Variants in RARS2 observed in about 807,000 individuals in gnomAD.
RARS2 encodes the protein probable arginine--tRNA ligase, mitochondrial.
In RARS2, 67 loss-of-function variants were observed where a neutral mutation model predicts 88.5. The observed-to-expected ratio is 0.76, with a 90% CI of 0.62 to 0.93. The LOEUF (loss-of-function observed/expected upper bound fraction) is 0.93, where lower values mean the gene tolerates loss of function less well. Ranked by LOEUF, RARS2 falls within the 40% of genes least tolerant of loss-of-function variation. RARS2 has a pLI of 0.00. For missense variants in RARS2, 664 were observed against 684.2 expected, an observed-to-expected ratio of 0.97 and a Z score of 0.33; for synonymous variants, 239 against 230.3, an observed-to-expected ratio of 1.04 and a Z score of -0.34.
intron 16 of RARS2, 155 bp downstream of exon 16, chr6:87,518,475 A>T (rs916531939): frequency 3.6e-5 from 39 of 1,079,756 alleles, no homozygotes; most frequent in Non-Finnish European, 4.2e-5. Flanking sequence ...TGCTCAATAA[A>T]TTTTTTTTTT....
intron 1 of RARS2, among the ~76,000 whole-genome samples, chr6:87,573,205 G>A (rs1339207354): frequency 1.3e-5 from 2 of 152,142 alleles, no homozygotes; most frequent in African/African-American, 4.8e-5. Flanking sequence ...GGCAGAAAGC[G>A]AAAGGGAAGC....
intron 4 of RARS2, among the ~76,000 whole-genome samples, chr6:87,555,938 C>T (rs137908762): frequency 4.9e-4 from 75 of 152,318 alleles, no homozygotes; most frequent in East Asian, 3.1e-3. Context: ...TTACTCCTCA[C>T]GACAGCCATA....
At chr6:87,517,017 G>A (rs1771987615) in intron 17 of RARS2, 137 bp from the exon 18 acceptor site, 5 of 1,332,166 alleles carry the variant, frequency 3.8e-6, no homozygotes, top group Admixed American at 2.0e-5. Context: ...AGTGTCTCAC[G>A]TCTGTAATCC....
chr6:87,553,905 A>C (rs1785047292), intron 5 of RARS2, among the ~76,000 whole-genome samples: 1 of 152,224 alleles, frequency 6.6e-6, no homozygotes, highest in South Asian at 2.1e-4. Flanking sequence ...TCCTTATTAC[A>C]AATTCATGAG....
At position 87,569,568 on chromosome 6, in the gene RARS2, G is replaced by A. The variant is rs779443645; in HGVS notation, c.59C>T (p.Pro20Leu). The change falls in exon 2 of 20, where the codon CCA becomes CTA. Residue 20 changes from proline (P) to leucine (L), a missense_variant. Transcript: ENST00000369536. Reference protein sequence around the residue: ...ACQLSRVLNLPPENLITSISA... With the variant: ...ACQLSRVLNLLPENLITSISA... ...TATTGATGTGATCAAGTTTTCTGGTGGAAGATTCAACACTCTGGAAAGCTA... is the reference window on the plus strand; with the variant it reads ...TATTGATGTGATCAAGTTTTCTGGTAGAAGATTCAACACTCTGGAAAGCTA... 10 of 1,607,346 alleles carry A rather than the reference G, an allele frequency of 6.2e-6. No individual in the cohort carries two copies. The highest frequency in any genetic ancestry group is 1.6e-4 in the Middle Eastern group (1 of 6,068).
chr6:87,520,268 A>T lies in RARS2; in HGVS notation c.1036-12T>A, dbSNP rs1230355906. 1 of 1,559,390 alleles carries T rather than the reference A, an allele frequency of 6.4e-7. No individual in the cohort carries two copies. The highest frequency in any genetic ancestry group is 8.8e-7 in the Non-Finnish European group (1 of 1,132,004). On this transcript the variant is annotated splice_polypyrimidine_tract_variant and intron_variant, in intron 12 of 19. Transcript: ENST00000369536. ...TGTCCTTTATCTGTCTTGGGAAGAA[A>T]ATATATATAAAATAAAAGAATACTG...
intron 14 of RARS2, chr6:87,519,293 C>T (rs1426585996): frequency 2.7e-6 from 1 of 372,784 alleles, no homozygotes; most frequent in East Asian, 6.5e-5. Context: ...TGACTTGTAT[C>T]CAAATTATAA....
intron 5 of RARS2, among the ~76,000 whole-genome samples, chr6:87,550,724 A>AG (rs397965857): frequency 2.0e-5 from 3 of 149,860 alleles, no homozygotes; most frequent in African/African-American, 7.4e-5. Context: ...AAAAAAAAAA[A>AG]GAATAGAATA....
At chr6:87,525,176 T>C (rs1263392767) in intron 10 of RARS2, among the ~76,000 whole-genome samples, 2 of 152,192 alleles carry the variant, frequency 1.3e-5, no homozygotes, top group African/African-American at 4.8e-5. Flanking sequence ...CTTACAAATA[T>C]GACAGGAGAA....
At chr6:87,578,771 C>A (rs1329750659) in intron 1 of RARS2, among the ~76,000 whole-genome samples, 1 of 151,966 alleles carries the variant, frequency 6.6e-6, no homozygotes, top group South Asian at 2.1e-4. Flanking sequence ...CCAGCCTGGC[C>A]AACATGGCAA....
chr6:87,555,857 C>T (rs1785704140), intron 4 of RARS2, among the ~76,000 whole-genome samples: 1 of 152,222 alleles, frequency 6.6e-6, no homozygotes, highest in Non-Finnish European at 1.5e-5. Flanking sequence ...ACCAGAAGCA[C>T]CATTTAACAC....
intron 14 of RARS2, chr6:87,519,142 TTA>T (rs398066024): frequency 1.8e-4 from 72 of 392,866 alleles, no homozygotes; most frequent in South Asian, 2.8e-4. Flanking sequence ...ATTTCTGATT[TTA>T]TATATATATA....
chr6:87,523,723 C>T (rs1449566180), intron 11 of RARS2, among the ~76,000 whole-genome samples: 4 of 152,094 alleles, frequency 2.6e-5, no homozygotes, highest in South Asian at 2.1e-4. Context: ...TAACCAGACC[C>T]GGATAGTTAC....
intron 6 of RARS2, among the ~76,000 whole-genome samples, chr6:87,546,950 A>G (rs1782781816): frequency 6.6e-6 from 1 of 152,182 alleles, no homozygotes; most frequent in African/African-American, 2.4e-5. Context: ...CACAAATCCA[A>G]TTAAATGTCT....
chr6:87,589,663 G>C, intron 1 of RARS2: 2 of 985,178 alleles, frequency 2.0e-6, no homozygotes, highest in Middle Eastern at 5.2e-4. Flanking sequence ...AGCATTCATA[G>C]CTGTGGGGTG....
chr6:87,564,310 G>A (rs1446554208), intron 2 of RARS2, 78 bp from the exon 3 acceptor site: 4 of 1,009,302 alleles, frequency 4.0e-6, no homozygotes, highest in East Asian at 4.9e-5. Flanking sequence ...ATCACTATGA[G>A]TTCTCCATTG....
At chr6:87,520,963 T>C (rs566975096) in intron 12 of RARS2, among the ~76,000 whole-genome samples, 6 of 152,294 alleles carry the variant, frequency 3.9e-5, no homozygotes, top group African/African-American at 1.4e-4. Context: ...TAAAGTCTCA[T>C]AAAACCATAG....
At chr6:87,573,731 A>T (rs1268842352) in intron 1 of RARS2, among the ~76,000 whole-genome samples, 6 of 152,244 alleles carry the variant, frequency 3.9e-5, no homozygotes, top group Admixed American at 3.9e-4. Context: ...TCCGGGATAA[A>T]GTAGTGAAAT....
intron 4 of RARS2, among the ~76,000 whole-genome samples, chr6:87,558,960 C>T (rs1370486809): frequency 6.6e-6 from 1 of 152,176 alleles, no homozygotes; most frequent in Non-Finnish European, 1.5e-5. Context: ...CCCCTGAAGA[C>T]TTTCCAGTGG....
Sources: gnomAD v4.1 joint callset for allele counts (sites outside exome capture counted in the v4.1 genomes callset) on GRCh38, gnomAD v4.1.1 for gene constraint, MANE v1.5 for transcripts, NCBI Gene and HGNC (gene_info 2026-07-23, HGNC 2026-07-21) for gene names.